AGPAT3: variants seen among roughly 807,000 people sequenced by gnomAD.
AGPAT3 encodes 1-acylglycerol-3-phosphate O-acyltransferase 3, also known as 1-acyl-sn-glycerol-3-phosphate acyltransferase gamma.
A neutral mutation model predicts 47.3 loss-of-function variants in AGPAT3; 5 were observed. That is an observed-to-expected ratio of 0.11 (90% CI 0.06 to 0.22). The LOEUF is 0.22. Among genes scored for constraint, AGPAT3 ranks in the 10% least tolerant of loss-of-function variants. The probability of loss-of-function intolerance (pLI) is 1.00; values close to 1 mark genes in which losing one functional copy is unlikely to be tolerated. For missense variants in AGPAT3, 315 were observed against 493.0 expected (o/e 0.64, Z 3.42); for synonymous variants, 212 against 208.3 (o/e 1.02, Z -0.15).
At chr21:43,911,399 T>C (rs930698841) in intron 2 of AGPAT3, among the ~76,000 whole-genome samples, 1 of 152,006 alleles carries the variant, frequency 6.6e-6, no homozygotes, top group African/African-American at 2.4e-5. Context: ...TGCGCTCTTA[T>C]ATTGAGGGGC....
intron 1 of AGPAT3, among the ~76,000 whole-genome samples, chr21:43,868,578 A>G (rs1199383610): frequency 2.0e-5 from 3 of 152,188 alleles, no homozygotes; most frequent in African/African-American, 7.2e-5. Flanking sequence ...TGAATTATAA[A>G]ATGAGCAGCA....
rs2088429118 is a variant in AGPAT3, at chr21:43,955,874, T to G, written c.-48-3760T>G. Among the ~76,000 whole-genome samples, 1 of 146,562 alleles carries G rather than the reference T, an allele frequency of 6.8e-6. No homozygotes were observed. The highest frequency in any genetic ancestry group is 2.6e-5 in the African/African-American group (1 of 39,132). ...AAGATGGCACCACAGCACTCTAACC[T>G]GGGCAACAGTGAGATAATCTGTCTC... On this transcript the variant is annotated intron_variant, in intron 2 of 9. Coordinates refer to ENST00000291572, the MANE Select transcript of AGPAT3 (RefSeq NM_020132.5). This position sits in a 1 kb window ranked among gnomAD's most constrained non-coding sequence, Gnocchi z 4.1.
rs561249697 is a variant in AGPAT3 at position 43,880,883 on chromosome 21, A to G, written c.-112+15538A>G. Among the ~76,000 whole-genome samples the G allele has an allele frequency of 6.6e-6, 1 of 152,284 alleles. No homozygotes were observed. The highest frequency in any genetic ancestry group is 6.5e-5 in the Admixed American group (1 of 15,304). On this transcript the variant is annotated intron_variant, in intron 1 of 9. Transcript: ENST00000291572. The surrounding 1 kb of genome is among the most constrained non-coding windows in gnomAD (Gnocchi z 4.5). ...TGAATTGGACACGTGACAGGTGGCA[A>G]TATGTTAACTGTTCGTAGCAAGGAA... is the stretch of plus-strand genomic sequence containing the variant.
Position 43,930,744 on chromosome 21 carries a change from G to C in AGPAT3, c.-49+26725G>C, listed in dbSNP as rs976576632. On this transcript the variant is annotated intron_variant, in intron 2 of 9. Coordinates refer to ENST00000291572, the MANE Select transcript of AGPAT3 (RefSeq NM_020132.5). The surrounding 1 kb of genome is among the most constrained non-coding windows in gnomAD (Gnocchi z 5.0). ...GCTGGCACATTCCCAGGGGGCTGCT[G>C]TAGGGCCAGTGTCCCCTCCTGGGGT... 6.6e-6 allele frequency among the ~76,000 whole-genome samples: 1 copy of C among 152,196 alleles called. No homozygotes were observed. The highest frequency in any genetic ancestry group is 1.5e-5 in the Non-Finnish European group (1 of 68,016).
At chr21:43,976,078 T>A (rs990515998) in intron 7 of AGPAT3, among the ~76,000 whole-genome samples, 2 of 152,080 alleles carry the variant, frequency 1.3e-5, no homozygotes, top group East Asian at 1.9e-4. Flanking sequence ...TTTTTATTTT[T>A]TTTTTTTGAG....
intron 2 of AGPAT3, among the ~76,000 whole-genome samples, chr21:43,928,270 C>T (rs2087123227): frequency 6.6e-6 from 1 of 152,196 alleles, no homozygotes; most frequent in Non-Finnish European, 1.5e-5. Flanking sequence ...GTACCCCTGC[C>T]CTGAGTTCGA....
At chr21:43,875,929 C>G (rs1050072479) in intron 1 of AGPAT3, among the ~76,000 whole-genome samples, 1 of 151,948 alleles carries the variant, frequency 6.6e-6, no homozygotes, top group Non-Finnish European at 1.5e-5. Context: ...AATATTTAAC[C>G]TGTTATTGTT....
Position 43,875,012 on chromosome 21 carries a change from A to G in AGPAT3, c.-112+9667A>G, listed in dbSNP as rs148199903. 4.5e-4 allele frequency among the ~76,000 whole-genome samples: 69 copies of G among 152,118 alleles called. 1 individual carries two copies. Among genetic ancestry groups the G allele is most frequent in the African/African-American group, 1.5e-3 (62 of 41,518 alleles). On this transcript the variant is annotated intron_variant, in intron 1 of 9. Transcript: ENST00000291572. ...TTCTTTGTTTTTGAGATGGAGTCTC[A>G]CTCAGTCGCCCAAGCTGGAGTGCAG...
chr21:43,915,357 C>T (rs2086704271), intron 2 of AGPAT3, among the ~76,000 whole-genome samples: 1 of 149,090 alleles, frequency 6.7e-6, no homozygotes, highest in Non-Finnish European at 1.5e-5. Context: ...TGCCCCCCAG[C>T]CCTGTTTTCT....
At position 43,952,605 on chromosome 21, in the gene AGPAT3, C is replaced by A. The variant is rs116157998; in HGVS notation, c.-48-7029C>A. ...CAAAACCCAAGAAGCAGCCATCACG[C>A]CCCAGGACCAAGATGTGCTGGCGCC... is the stretch of plus-strand genomic sequence containing the variant. On this transcript the variant is annotated intron_variant, in intron 2 of 9. Transcript: ENST00000291572. The surrounding 1 kb of genome is among the most constrained non-coding windows in gnomAD (Gnocchi z 5.6). Among the ~76,000 whole-genome samples, 1,339 of 152,326 alleles carry A rather than the reference C, an allele frequency of 8.8e-3. 25 individuals carry two copies. The highest frequency in any genetic ancestry group is 0.031 in the African/African-American group (1,274 of 41,576).
rs144745043 is a variant in AGPAT3, at chr21:43,918,318, T to C, written c.-49+14299T>C. Among the ~76,000 whole-genome samples, 30 of 150,856 alleles carry C rather than the reference T, an allele frequency of 2.0e-4. 1 individual carries two copies. In the East Asian group the frequency reaches 5.8e-3, roughly 29 times the overall value. ...TTGGGTGTGGATCAATTGTTGTCTC[T>C]AGAGGTAGCCACCTGGTGGCTGAGG... On this transcript the variant is annotated intron_variant, in intron 2 of 9. Transcript: ENST00000291572.
At position 43,929,525 on chromosome 21, in the gene AGPAT3, A is replaced by T. The variant is rs1256571416; in HGVS notation, c.-49+25506A>T. On this transcript the variant is annotated intron_variant, in intron 2 of 9. Transcript: ENST00000291572. ...TTGAAAGATGTGAAGGGCAAGTGGGATTGGCACACAGAACAAGACGGTGCC... is the reference window on the plus strand; with the variant it reads ...TTGAAAGATGTGAAGGGCAAGTGGGTTTGGCACACAGAACAAGACGGTGCC... Among the ~76,000 whole-genome samples the T allele has an allele frequency of 4.6e-5, 7 of 152,206 alleles. No homozygotes were observed. The East Asian group carries it at 1.3e-3, about 29-fold the overall frequency.
chr21:43,978,127 C>T lies in AGPAT3; in HGVS notation c.843+6C>T. 1.2e-6 allele frequency: 2 copies of T among 1,612,380 alleles called. No homozygotes were observed. Among genetic ancestry groups the T allele is most frequent in the Non-Finnish European group, 8.5e-7 (1 of 1,179,504 alleles). The stretch of plus-strand genomic sequence containing the variant: ...ATAAACTGTACCAGGAGAAGGTAAG[C>T]AGGCTCTGCTCCCGCTCAGGGTCCC... On this transcript the variant is annotated splice_donor_region_variant and intron_variant, in intron 8 of 9. Coordinates refer to ENST00000291572, the MANE Select transcript of AGPAT3 (RefSeq NM_020132.5).
At chr21:43,927,555 T>C (rs1184622640) in intron 2 of AGPAT3, among the ~76,000 whole-genome samples, 1 of 152,238 alleles carries the variant, frequency 6.6e-6, no homozygotes, top group East Asian at 1.9e-4. Context: ...CCGTCTTAAA[T>C]TGCAGCAGGC....
At chr21:43,971,220 G>T (rs1417192772) in intron 6 of AGPAT3, among the ~76,000 whole-genome samples, 168 bp from the exon 7 acceptor site, 1 of 152,194 alleles carries the variant, frequency 6.6e-6, no homozygotes, top group Non-Finnish European at 1.5e-5. Context: ...GAGGGGGAAA[G>T]AAAACTTAGA....
At chr21:43,897,184 G>C (rs377255023) in intron 1 of AGPAT3, among the ~76,000 whole-genome samples, 4 of 151,374 alleles carry the variant, frequency 2.6e-5, no homozygotes, top group Admixed American at 1.3e-4. Context: ...GCCTTCAAGC[G>C]TCTGTTTAAC....
rs1376971688 is a variant in AGPAT3, at chr21:43,880,744, AC to A, written c.-112+15400del. Among the ~76,000 whole-genome samples the A allele has an allele frequency of 6.6e-6, 1 of 152,214 alleles. No homozygotes were observed. Among genetic ancestry groups the A allele is most frequent in the Non-Finnish European group, 1.5e-5 (1 of 68,036 alleles). On this transcript the variant is annotated intron_variant, in intron 1 of 9. Coordinates refer to ENST00000291572, the MANE Select transcript of AGPAT3 (RefSeq NM_020132.5). The surrounding 1 kb of genome is among the most constrained non-coding windows in gnomAD (Gnocchi z 4.5). ...ATCTCCCCAAAGTGGAAACAAGGAC[AC>A]GTCTAGAGACAGGCGCTGGACGTCT...
At chr21:43,927,299 A>C (rs905554373) in intron 2 of AGPAT3, among the ~76,000 whole-genome samples, 1 of 152,302 alleles carries the variant, frequency 6.6e-6, no homozygotes, top group African/African-American at 2.4e-5. Context: ...TATATTTATA[A>C]ATTTACAAAA....
chr21:43,985,539 G>A lies in AGPAT3; in HGVS notation c.*3147G>A, dbSNP rs2030200526. ...TATTGCTGAGCATTGATGTTGATTT[G>A]AAGGAAAAGCCGTGGTTGGACCCAG... On this transcript the variant is annotated 3_prime_UTR_variant, in exon 10 of 10. Transcript: ENST00000291572. The A allele has an allele frequency of 3.7e-6, 1 of 268,354 alleles. No homozygotes were observed. Among genetic ancestry groups the A allele is most frequent in the South Asian group, 3.6e-5 (1 of 27,520 alleles). 16.6% of individuals were successfully genotyped at this position (268,354 alleles called of 1,614,324 possible).
Sources: gnomAD v4.1 joint callset for allele counts (sites outside exome capture counted in the v4.1 genomes callset) on GRCh38, gnomAD v4.1.1 for gene constraint, Gnocchi (gnomAD v3.1) non-coding constraint, MANE v1.5 for transcripts, NCBI Gene and HGNC (gene_info 2026-07-23, HGNC 2026-07-21) for gene names.